STIMATE: variants seen among roughly 807,000 people sequenced by gnomAD.
STIMATE encodes the protein store-operated calcium entry regulator STIMATE.
In STIMATE, 15 loss-of-function variants were observed where a neutral mutation model predicts 36.7. That is an observed-to-expected ratio of 0.41 (90% CI 0.27 to 0.63). The LOEUF is 0.63. Ranked by LOEUF, STIMATE falls within the 20% of genes least tolerant of loss-of-function variation. STIMATE has a pLI of 0.32. For synonymous variants in STIMATE, 163 were observed against 162.3 expected (o/e 1.00, Z -0.03); for missense variants, 305 against 397.3 (o/e 0.77, Z 1.98).
chr3:52,883,823 T>C (rs1453508199), intron 1 of STIMATE, among the ~76,000 whole-genome samples: 4 of 152,252 alleles, frequency 2.6e-5, no homozygotes, highest in African/African-American at 9.6e-5. Flanking sequence ...TCTTTAAAAC[T>C]TTAGCATATT....
intron 1 of STIMATE, among the ~76,000 whole-genome samples, chr3:52,886,994 CAAAG>C (rs1281194348): frequency 6.6e-6 from 1 of 151,998 alleles, no homozygotes; most frequent in Non-Finnish European, 1.5e-5. Context: ...CTAGGAAGGA[CAAAG>C]AAAGGCCAAA....
intron 1 of STIMATE, among the ~76,000 whole-genome samples, chr3:52,863,227 G>T (rs1274221033): frequency 5.9e-5 from 9 of 152,158 alleles, no homozygotes; most frequent in Non-Finnish European, 1.0e-4. Flanking sequence ...CCCGAGACTG[G>T]GAAGAAAAAG....
chr3:52,847,610 G>A, intron 4 of STIMATE: 3 of 1,109,198 alleles, frequency 2.7e-6, no homozygotes, highest in Non-Finnish European at 3.4e-6. Flanking sequence ...TACATGAGAA[G>A]AGAGCTGTGG....
Position 52,839,552 on chromosome 3 carries a change from A to G in STIMATE, c.*942T>C, listed in dbSNP as rs2878635. The G allele has an allele frequency of 0.92, 140,379 of 152,258 alleles. 65,787 individuals carry two copies. The highest frequency in any genetic ancestry group is 1 in the East Asian group (5,166 of 5,166). 9.4% of individuals were successfully genotyped at this position (152,258 alleles called of 1,614,324 possible). On this transcript the variant is annotated 3_prime_UTR_variant, in exon 8 of 8. Transcript: ENST00000355083. Reference sequence around the variant, plus strand: ...TCTGCCAGCAGGAATGCTAGAGCTCATGGGCCCTGGGCAGAGCCTTTCCTG... The same window carrying G: ...TCTGCCAGCAGGAATGCTAGAGCTCGTGGGCCCTGGGCAGAGCCTTTCCTG...
chr3:52,859,524 A>AT (rs1248323103), intron 1 of STIMATE, among the ~76,000 whole-genome samples: 7 of 109,612 alleles, frequency 6.4e-5, no homozygotes, highest in African/African-American at 2.3e-4. Context: ...AAAAAAAAAA[A>AT]AAAAAAATTT....
intron 1 of STIMATE, among the ~76,000 whole-genome samples, chr3:52,861,542 A>G (rs914425988): frequency 6.6e-5 from 10 of 152,210 alleles, no homozygotes; most frequent in African/African-American, 2.2e-4. Flanking sequence ...GTATATCACA[A>G]AAAAGAGGAA....
chr3:52,846,503 C>T (rs993785467), intron 4 of STIMATE: 1 of 152,226 alleles, frequency 6.6e-6, no homozygotes, highest in African/African-American at 2.4e-5. Flanking sequence ...CGCGGCACCG[C>T]TTATTTACTA....
At chr3:52,873,273 G>A (rs953361696) in intron 1 of STIMATE, among the ~76,000 whole-genome samples, 2 of 152,236 alleles carry the variant, frequency 1.3e-5, no homozygotes, top group Admixed American at 6.5e-5. Context: ...CTGTATGTGT[G>A]TTCCATGGGG....
chr3:52,852,828 G>T (rs1701032057), intron 2 of STIMATE, 130 bp from the exon 3 acceptor site: 4 of 1,125,412 alleles, frequency 3.6e-6, no homozygotes, highest in African/African-American at 1.6e-5. Context: ...TCTTCCTGGG[G>T]CCTTGAGCAC....
chr3:52,896,470 C>G (rs930368917), intron 1 of STIMATE, among the ~76,000 whole-genome samples: 3 of 152,096 alleles, frequency 2.0e-5, no homozygotes, highest in Non-Finnish European at 2.9e-5. Flanking sequence ...AGCCCCCCCC[C>G]ACCCCCCATC....
intron 2 of STIMATE, among the ~76,000 whole-genome samples, chr3:52,854,444 T>C (rs1205898526): frequency 1.3e-5 from 2 of 152,132 alleles, no homozygotes; most frequent in African/African-American, 2.4e-5. Context: ...TCCATAAAAA[T>C]CCCTAAACAA....
At chr3:52,847,079 A>ATT in intron 4 of STIMATE, 7 of 332,510 alleles carry the variant, frequency 2.1e-5, no homozygotes, top group Non-Finnish European at 2.6e-5. Flanking sequence ...ATTAAAAAAA[A>ATT]TTTTTTTTTT....
intron 4 of STIMATE, among the ~76,000 whole-genome samples, chr3:52,846,111 G>A (rs1160028695): frequency 6.6e-6 from 1 of 152,216 alleles, no homozygotes; most frequent in Non-Finnish European, 1.5e-5. Flanking sequence ...CTGTACACAA[G>A]GGAATGACTT....
intron 1 of STIMATE, among the ~76,000 whole-genome samples, chr3:52,883,037 C>T (rs1480969141): frequency 6.6e-6 from 1 of 152,194 alleles, no homozygotes; most frequent in African/African-American, 2.4e-5. Context: ...TAACTTGTTA[C>T]TATCACACTT....
At chr3:52,889,707 G>A (rs1047232510) in intron 1 of STIMATE, among the ~76,000 whole-genome samples, 4 of 152,202 alleles carry the variant, frequency 2.6e-5, no homozygotes, top group Non-Finnish European at 5.9e-5. Flanking sequence ...GGGCCAGGCA[G>A]ATACTGGGTC....
chr3:52,866,548 A>T (rs1701316200), intron 1 of STIMATE, among the ~76,000 whole-genome samples: 1 of 152,226 alleles, frequency 6.6e-6, no homozygotes, highest in African/African-American at 2.4e-5. Flanking sequence ...GCCACACAAT[A>T]GGACAGCAAT....
chr3:52,872,591 C>T (rs1219250136), intron 1 of STIMATE, among the ~76,000 whole-genome samples: 2 of 152,228 alleles, frequency 1.3e-5, no homozygotes, highest in Non-Finnish European at 2.9e-5. Context: ...CAAAGACTCC[C>T]TCACCATATC....
intron 1 of STIMATE, among the ~76,000 whole-genome samples, chr3:52,888,318 C>T (rs976915329): frequency 4.6e-5 from 7 of 152,146 alleles, no homozygotes; most frequent in Non-Finnish European, 8.8e-5. Flanking sequence ...TGCTTAAATG[C>T]GCTCTGAGCA....
At chr3:52,842,763 G>A (rs1324155524) in intron 7 of STIMATE, 48 bp downstream of exon 7, 2 of 1,611,640 alleles carry the variant, frequency 1.2e-6, no homozygotes, top group Non-Finnish European at 1.7e-6. Flanking sequence ...ACCCCCTTGG[G>A]CCAGCGATAC....
Sources: gnomAD v4.1 joint callset for allele counts (sites outside exome capture counted in the v4.1 genomes callset) on GRCh38, gnomAD v4.1.1 for gene constraint, MANE v1.5 for transcripts, NCBI Gene and HGNC (gene_info 2026-07-23, HGNC 2026-07-21) for gene names.